ENOX2: variants seen among roughly 807,000 people sequenced by gnomAD.
The protein encoded by ENOX2 is APK1 antigen.
A neutral mutation model predicts 45.0 loss-of-function variants in ENOX2; 36 were observed. The observed-to-expected ratio is 0.80, with a 90% CI of 0.61 to 1.06. ENOX2 has a LOEUF of 1.06. Ranked by LOEUF, ENOX2 falls within the 50% of genes least tolerant of loss-of-function variation. ENOX2 has a pLI of 0.00. For synonymous variants in ENOX2, 174 were observed against 152.3 expected (o/e 1.14, Z -1.05); for missense variants, 423 against 462.5 (o/e 0.91, Z 0.78).
chrX:130,822,806 T>G (rs1415583677), intron 2 of ENOX2, among the ~76,000 whole-genome samples: 1 of 112,075 alleles, frequency 8.9e-6, no homozygotes, highest in Non-Finnish European at 1.9e-5. Context: ...AAAAAGATAT[T>G]CAATACTTTA....
At chrX:130,707,701 C>A (rs755009937) in intron 3 of ENOX2, among the ~76,000 whole-genome samples, 1 of 112,095 alleles carries the variant, frequency 8.9e-6, no homozygotes, top group Admixed American at 9.4e-5. Context: ...GGTTTTTATG[C>A]TCACTGTAAT....
At chrX:130,639,617 A>T (rs1403417175) in intron 10 of ENOX2, among the ~76,000 whole-genome samples, 1 of 112,204 alleles carries the variant, frequency 8.9e-6, no homozygotes, top group African/African-American at 3.2e-5. Context: ...GATATGGAAG[A>T]GATGTTGGAA....
chrX:130,793,285 G>A (rs766550971), intron 2 of ENOX2, among the ~76,000 whole-genome samples: 1 of 112,338 alleles, frequency 8.9e-6, no homozygotes, highest in African/African-American at 3.2e-5. Flanking sequence ...GGCTCCTTCG[G>A]CCTCCAGGCT....
At chrX:130,868,524 T>C (rs1440880311) in intron 2 of ENOX2, among the ~76,000 whole-genome samples, 3 of 111,982 alleles carry the variant, frequency 2.7e-5, no homozygotes, top group Admixed American at 9.4e-5. Context: ...CCGGTGTTCA[T>C]GGACCACACT....
rs146302655 is a variant in ENOX2, at chrX:130,811,108, C to T, written c.-182-27418G>A. On this transcript the variant is annotated intron_variant, in intron 2 of 14. Coordinates refer to ENST00000394363, the MANE Select transcript of ENOX2 (RefSeq NM_006375.4). ...CTGCAGACTCAGGCTCTAGGCCAGT[C>T]CCTGTGAATTCAGGCTATCTGCCTA... Among the ~76,000 whole-genome samples, 4 of 111,936 alleles carry T rather than the reference C, an allele frequency of 3.6e-5. No homozygotes were observed. The East Asian group carries it at 1.1e-3, about 32-fold the overall frequency.
intron 2 of ENOX2, among the ~76,000 whole-genome samples, chrX:130,866,590 G>A (rs1465297434): frequency 1.8e-5 from 2 of 110,238 alleles, no homozygotes; most frequent in East Asian, 5.6e-4. Flanking sequence ...TGGTCATCAT[G>A]CTTGGAAAGC....
At chrX:130,664,233 C>T (rs902193388) in intron 9 of ENOX2, among the ~76,000 whole-genome samples, 1 of 112,004 alleles carries the variant, frequency 8.9e-6, no homozygotes, top group Admixed American at 9.5e-5. Flanking sequence ...AAATGCTTTT[C>T]ATGGTTTTCA....
intron 9 of ENOX2, among the ~76,000 whole-genome samples, chrX:130,659,976 A>T (rs1291411573): frequency 2.7e-5 from 3 of 112,400 alleles, no homozygotes; most frequent in African/African-American, 9.7e-5. Flanking sequence ...TCACATCTTC[A>T]AAAATCCCTG....
At chrX:130,865,426 G>A (rs1056867406) in intron 2 of ENOX2, among the ~76,000 whole-genome samples, 1 of 111,883 alleles carries the variant, frequency 8.9e-6, no homozygotes, top group Non-Finnish European at 1.9e-5. Context: ...ACACTGTGCT[G>A]GCTTCCAATA....
At chrX:130,813,884 G>A (rs1185575487) in intron 2 of ENOX2, among the ~76,000 whole-genome samples, 5 of 111,890 alleles carry the variant, frequency 4.5e-5, no homozygotes, top group African/African-American at 9.7e-5. Context: ...CGCCTGGAAC[G>A]CCAGCAAGAC....
At chrX:130,800,856 C>T (rs1028300726) in intron 2 of ENOX2, among the ~76,000 whole-genome samples, 3 of 112,307 alleles carry the variant, frequency 2.7e-5, no homozygotes, top group Non-Finnish European at 5.6e-5. Context: ...TTGTCAAATG[C>T]TATGAGGGTC....
intron 2 of ENOX2, among the ~76,000 whole-genome samples, chrX:130,864,017 A>T (rs1440907306): frequency 2.7e-5 from 3 of 110,668 alleles, no homozygotes; most frequent in African/African-American, 9.9e-5. Flanking sequence ...TTGAAGATTA[A>T]TTATCTCTTC....
At position 130,752,425 on chromosome X, in the gene ENOX2, G is replaced by C. The variant is rs758689535; in HGVS notation, c.-39+31122C>G. On this transcript the variant is annotated intron_variant, in intron 3 of 14. Transcript: ENST00000394363. ...ATCTCTCTCCCCCAGACTCTCTTGGGTCTCTCTCTCTCTCCATCTGCATCT... is the reference window on the plus strand; with the variant it reads ...ATCTCTCTCCCCCAGACTCTCTTGGCTCTCTCTCTCTCTCCATCTGCATCT... Among the ~76,000 whole-genome samples, 427 of 93,478 alleles carry C rather than the reference G, an allele frequency of 4.6e-3. 4 individuals are homozygous for C. The highest frequency in any genetic ancestry group is 0.016 in the African/African-American group (410 of 25,339). 81.2% of individuals were successfully genotyped at this position (93,478 alleles called of 115,157 possible).
chrX:130,761,009 G>A lies in ENOX2; in HGVS notation c.-39+22538C>T, dbSNP rs1487393133. Among the ~76,000 whole-genome samples the A allele has an allele frequency of 2.7e-5, 3 of 109,266 alleles. No individual in the cohort carries two copies. The East Asian group carries it at 8.5e-4, about 31-fold the overall frequency. 94.9% of individuals were successfully genotyped at this position (109,266 alleles called of 115,157 possible). ...AATACTGAACCACCCTTGTAGCCCT[G>A]GAATAAACCCTACTTTGCCATGCTG... On this transcript the variant is annotated intron_variant, in intron 3 of 14. Transcript: ENST00000394363.
At chrX:130,679,972 C>G (rs886976932) in intron 5 of ENOX2, among the ~76,000 whole-genome samples, 1 of 111,600 alleles carries the variant, frequency 9.0e-6, no homozygotes, top group African/African-American at 3.3e-5. Context: ...AGCATAAAGA[C>G]CCAGGCCTAT....
At chrX:130,825,529 C>T (rs1042962208) in intron 2 of ENOX2, among the ~76,000 whole-genome samples, 2 of 111,700 alleles carry the variant, frequency 1.8e-5, no homozygotes, top group African/African-American at 3.2e-5. Context: ...TATAACTGTA[C>T]GGTAGTTCTC....
intron 3 of ENOX2, among the ~76,000 whole-genome samples, chrX:130,774,446 T>C (rs1421581701): frequency 8.9e-6 from 1 of 112,228 alleles, no homozygotes; most frequent in African/African-American, 3.2e-5. Flanking sequence ...CTGTGTTTGT[T>C]TCCTTATCTG....
chrX:130,661,710 T>C (rs1158292267), intron 9 of ENOX2, among the ~76,000 whole-genome samples: 4 of 112,473 alleles, frequency 3.6e-5, no homozygotes, highest in African/African-American at 1.3e-4. Context: ...TGTTAGTATG[T>C]TTTTTGATGG....
chrX:130,655,568 C>T (rs1160552361), intron 10 of ENOX2, among the ~76,000 whole-genome samples: 2 of 112,219 alleles, frequency 1.8e-5, no homozygotes, highest in Non-Finnish European at 3.8e-5. Context: ...TAGTATAGTG[C>T]TTAGCATGTA....
Sources: allele counts gnomAD v4.1 joint callset (sites outside exome capture counted in the v4.1 genomes callset), GRCh38; gene constraint gnomAD v4.1.1; transcripts MANE v1.5; gene names NCBI Gene and HGNC (gene_info 2026-07-23, HGNC 2026-07-21).